The following BUD23 variants were observed in gnomAD, a reference collection of about 807,000 sequenced individuals.
BUD23 encodes 18S rRNA (guanine-N(7))-methyltransferase.
In BUD23, 34 loss-of-function variants were observed where a neutral mutation model predicts 47.0. The ratio of observed to expected loss-of-function variants is 0.72; its 90% CI spans 0.55 to 0.96. The LOEUF (loss-of-function observed/expected upper bound fraction) is 0.96, where lower values mean the gene tolerates loss of function less well. BUD23 is among the 40% of genes least tolerant of loss of function. The probability of loss-of-function intolerance (pLI) is 0.00; values close to 1 mark genes in which losing one functional copy is unlikely to be tolerated. For synonymous variants in BUD23, 124 were observed against 132.0 expected, an observed-to-expected ratio of 0.94 and a Z score of 0.41; for missense variants, 343 against 361.2, an observed-to-expected ratio of 0.95 and a Z score of 0.41.
chr7:73,689,057 CTG>C (rs1554613606), intron 5 of BUD23, among the ~76,000 whole-genome samples: 7 of 152,118 alleles, frequency 4.6e-5, no homozygotes, highest in Admixed American at 3.3e-4. Flanking sequence ...GTATAGCAAA[CTG>C]TTTTTTTGGA....
In BUD23 at chr7:73,693,415, G is replaced by A. The variant is rs782165380; in HGVS notation, c.596+1G>A. 6.2e-7 allele frequency: 1 copy of A among 1,614,202 alleles called. No homozygotes were observed. Among genetic ancestry groups the A allele is most frequent in the Non-Finnish European group, 8.5e-7 (1 of 1,180,036 alleles). ...ACCCTAACAGTGCCAAAGCAAAGAA[G>A]TGAGCGCTGGGGGCCGGTGTGCTGC... On this transcript the variant is annotated splice_donor_variant, in intron 8 of 11. Transcript: ENST00000265758. LOFTEE classifies it high-confidence loss of function.
intron 5 of BUD23, among the ~76,000 whole-genome samples, chr7:73,688,587 T>G (rs1798070377): frequency 6.6e-6 from 1 of 152,212 alleles, no homozygotes; most frequent in South Asian, 2.1e-4. Flanking sequence ...TCTTAAGTGC[T>G]TCACAGTCCT....
chr7:73,687,246 C>A, intron 5 of BUD23, 151 bp downstream of exon 5: 1 of 814,100 alleles, frequency 1.2e-6, no homozygotes, highest in Non-Finnish European at 1.9e-6. Flanking sequence ...TCCTGAGTAG[C>A]TGGGACTACA....
At chr7:73,697,433 G>A (rs1258832049) in intron 10 of BUD23, 172 bp from the exon 11 acceptor site, 1 of 1,537,184 alleles carries the variant, frequency 6.5e-7, no homozygotes, top group African/African-American at 1.4e-5. Context: ...TTATCAGGAA[G>A]GAGGGTGTCC....
chr7:73,687,017 A>T lies in BUD23; in HGVS notation c.284A>T (p.Glu95Val), dbSNP rs1554613164. ...PAMLDEAVDR[E>V]IEGDLLLGDM... ...AATGTAGATGAGGCTGTGGACCGAGAGATAGAGGGAGACCTGCTGCTGGGG... is the reference window on the plus strand; with the variant it reads ...AATGTAGATGAGGCTGTGGACCGAGTGATAGAGGGAGACCTGCTGCTGGGG... The change falls in exon 5 of 12, where the codon GAG becomes GTG. Residue 95 changes from glutamate to valine, a missense_variant. Glu to Val is a moderately radical substitution (Grantham distance 121). Coordinates refer to ENST00000265758, the MANE Select transcript of BUD23 (RefSeq NM_017528.5). 1 of 1,614,164 alleles carries T rather than the reference A, an allele frequency of 6.2e-7. No individual in the cohort carries two copies.
intron 10 of BUD23, 65 bp from the exon 11 acceptor site, chr7:73,697,540 G>C (rs540914886): frequency 1.2e-5 from 20 of 1,611,374 alleles, no homozygotes; most frequent in Non-Finnish European, 1.7e-5. Context: ...GGATTCACAT[G>C]GGGGCCAGTC....
intron 5 of BUD23, among the ~76,000 whole-genome samples, chr7:73,687,334 T>C (rs1798014902): frequency 6.6e-6 from 1 of 152,132 alleles, no homozygotes; most frequent in Non-Finnish European, 1.5e-5. Context: ...TGGAGTGCAG[T>C]GGTGTGATCT....
chr7:73,692,848 T>TGG, intron 7 of BUD23: 1 of 574,516 alleles, frequency 1.7e-6, no homozygotes, highest in Non-Finnish European at 3.1e-6. Context: ...TGCCTTCTCT[T>TGG]GGCAGATGAC....
intron 10 of BUD23, chr7:73,697,157 C>T (rs1030181763): frequency 4.6e-6 from 2 of 434,166 alleles, no homozygotes; most frequent in Non-Finnish European, 8.5e-6. Flanking sequence ...TCATACCCCT[C>T]AGTCCTTCCT....
intron 10 of BUD23, 93 bp from the exon 11 acceptor site, chr7:73,697,512 C>G: frequency 6.3e-7 from 1 of 1,598,212 alleles, no homozygotes. Context: ...CCACCAGACT[C>G]GGAGGTAAGC....
At chr7:73,693,875 G>T (rs2293488) in intron 9 of BUD23, 117 bp from the exon 10 acceptor site, 2 of 1,401,252 alleles carry the variant, frequency 1.4e-6, no homozygotes, top group South Asian at 2.4e-5. Context: ...GTTCCTTCTC[G>T]TGGGACTGGA....
chr7:73,697,614 A>G lies in BUD23; in HGVS notation c.711A>G (p.Leu237=). The change falls in exon 11 of 12, where the codon TTA becomes TTG. Residue 237 remains leucine (L), a synonymous_variant. Coordinates refer to ENST00000265758, the MANE Select transcript of BUD23 (RefSeq NM_017528.5). The stretch of plus-strand genomic sequence containing the variant: ...TGTGTCTCCGCCACAGGTTCCCATT[A>G]AGGATGTCGAGGCGGGGAATGGTGA... ...ESVFTNERFP[L]RMSRRGMVRK... is the part of the protein sequence containing the mutation. The G allele has an allele frequency of 6.2e-7, 1 of 1,613,594 alleles. No homozygotes were observed. Among genetic ancestry groups the G allele is most frequent in the East Asian group, 2.2e-5 (1 of 44,870 alleles).
chr7:73,698,123 T>C lies in BUD23; in HGVS notation c.*237T>C. 1 of 198,264 alleles carries C rather than the reference T, an allele frequency of 5.0e-6. No individual in the cohort carries two copies. Among genetic ancestry groups the C allele is most frequent in the Non-Finnish European group, 9.4e-6 (1 of 106,162 alleles). The allele number at this position is 198,264 out of a possible 1,614,324, so 12.3% of individuals were successfully genotyped here. A position where few individuals can be genotyped will look rare whatever the true frequency, so the allele number is the denominator to read the frequency against. ...CCTGCCTGGGCAACATAATGAAACT[T>C]CCTTTCCAGGGAGGAAAAAAAAAAA... On this transcript the variant is annotated 3_prime_UTR_variant, in exon 12 of 12. Transcript: ENST00000265758.
At position 73,686,884 on chromosome 7, in the gene BUD23, C is replaced by G; in HGVS notation, c.249C>G (p.Ile83Met). ...DEGHYWVGLDISPAMLDEAVD... is the reference protein window; with the variant it reads ...DEGHYWVGLDMSPAMLDEAVD... ...GGCACTATTGGGTGGGCCTGGATAT[C>G]AGCCCTGCCATGCTGGGTAAGTATG... The change falls in exon 4 of 12, where the codon ATC (isoleucine) becomes ATG (methionine). Residue 83 changes from isoleucine (I) to methionine (M), a missense_variant. Transcript: ENST00000265758. The G allele has an allele frequency of 6.2e-7, 1 of 1,614,198 alleles. No individual in the cohort carries two copies. Among genetic ancestry groups the G allele is most frequent in the Non-Finnish European group, 8.5e-7 (1 of 1,180,048 alleles).
At chr7:73,685,650 G>A (rs1309682946) in intron 2 of BUD23, among the ~76,000 whole-genome samples, 2 of 152,050 alleles carry the variant, frequency 1.3e-5, no homozygotes, top group Non-Finnish European at 2.9e-5. Context: ...GGATCCACCC[G>A]CCTTGGCCTC....
chr7:73,688,737 A>C (rs1390044342), intron 5 of BUD23, among the ~76,000 whole-genome samples: 1 of 152,202 alleles, frequency 6.6e-6, no homozygotes, highest in Non-Finnish European at 1.5e-5. Context: ...AGTGAAAGTG[A>C]GAAAATAGGG....
intron 5 of BUD23, 68 bp from the exon 6 acceptor site, chr7:73,690,848 G>A (rs782591926): frequency 2.7e-5 from 33 of 1,232,532 alleles, no homozygotes; most frequent in Non-Finnish European, 3.5e-5. Flanking sequence ...ATGATGTCAA[G>A]AGGCTTGAAG....
chr7:73,684,617 A>G (rs10256701), intron 2 of BUD23, among the ~76,000 whole-genome samples: 3,931 of 86,440 alleles, frequency 0.045, 174 homozygotes, highest in African/African-American at 0.11. Flanking sequence ...AAAAAAAAAA[A>G]GGGGGGGGGA....
intron 5 of BUD23, 129 bp from the exon 6 acceptor site, chr7:73,690,787 C>A (rs1798161393): frequency 5.5e-6 from 4 of 724,688 alleles, no homozygotes; most frequent in South Asian, 5.2e-5. Context: ...CCTGCACTTT[C>A]TAAGAAGGGA....
Sources: gnomAD v4.1 joint callset for allele counts (sites outside exome capture counted in the v4.1 genomes callset) on GRCh38, gnomAD v4.1.1 for gene constraint, MANE v1.5 for transcripts, NCBI Gene and HGNC (gene_info 2026-07-23, HGNC 2026-07-21) for gene names.